ARIH2: variants seen among roughly 807,000 people sequenced by gnomAD.
ARIH2 encodes ariadne RBR E3 ubiquitin protein ligase 2, also known as E3 ubiquitin-protein ligase ARIH2.
ARIH2 carries 12 observed loss-of-function variants against 79.8 expected under a neutral mutation model. The ratio of observed to expected loss-of-function variants is 0.15; its 90% confidence interval spans 0.10 to 0.24. The LOEUF is 0.24. Ranked by LOEUF, ARIH2 falls within the 10% of genes least tolerant of loss-of-function variation. ARIH2 has a pLI of 1.00. For synonymous variants in ARIH2, 224 were observed against 213.9 expected, an observed-to-expected ratio of 1.05 and a Z score of -0.41; for missense variants, 301 against 618.3, an observed-to-expected ratio of 0.49 and a Z score of 5.44.
At position 48,918,865 on chromosome 3, in the gene ARIH2, G is replaced by A. The variant is rs768134987; in HGVS notation, c.-295G>A. On this transcript the variant is annotated 5_prime_UTR_variant, in exon 1 of 16. Transcript: ENST00000356401. ...CCGGAGCTGTGGGGACGACTCTTCT[G>A]GAGGAAGCAGCGCGGGCTTGACCGG... is the stretch of plus-strand genomic sequence containing the variant. 1.9e-5 allele frequency: 31 copies of A among 1,610,282 alleles called. No individual in the cohort carries two copies. The South Asian group carries it at 2.6e-4, about 14-fold the overall frequency.
At chr3:48,979,372 T>C (rs1043263121) in intron 11 of ARIH2, 110 bp from the exon 12 acceptor site, 26 of 1,192,286 alleles carry the variant, frequency 2.2e-5, no homozygotes, top group South Asian at 4.6e-5. Flanking sequence ...TGGGAAGTTG[T>C]GTTCAGGTGA....
At chr3:48,965,180 C>G (rs1191602867) in intron 5 of ARIH2, among the ~76,000 whole-genome samples, 198 bp downstream of exon 5, 1 of 141,738 alleles carries the variant, frequency 7.1e-6, no homozygotes, top group African/African-American at 2.6e-5. Flanking sequence ...CGGTGAAACC[C>G]TGTCTCTACT....
chr3:48,954,487 G>T (rs957733802), intron 3 of ARIH2, among the ~76,000 whole-genome samples: 6 of 152,044 alleles, frequency 3.9e-5, no homozygotes, highest in Non-Finnish European at 5.9e-5. Flanking sequence ...TATTTGCCCA[G>T]GCTGGTCTCA....
At chr3:48,981,823 C>T in intron 14 of ARIH2, 95 bp downstream of exon 14, 1 of 1,017,816 alleles carries the variant, frequency 9.8e-7, no homozygotes, top group South Asian at 1.4e-5. Flanking sequence ...AGACCTTGGT[C>T]ATTGGGAGGG....
chr3:48,948,539 C>T (rs1218901093), intron 3 of ARIH2, among the ~76,000 whole-genome samples: 1 of 151,856 alleles, frequency 6.6e-6, no homozygotes, highest in Non-Finnish European at 1.5e-5. Flanking sequence ...CCGCCCACCT[C>T]GGCCTCCCAG....
Position 48,984,851 on chromosome 3 carries a change from C to A in ARIH2, c.*1581C>A, listed in dbSNP as rs1208985324. On this transcript the variant is annotated 3_prime_UTR_variant, in exon 16 of 16. Coordinates refer to ENST00000356401, the MANE Select transcript of ARIH2 (RefSeq NM_006321.4). The stretch of plus-strand genomic sequence containing the variant: ...TTAAAGACAGAGGATAGCTGTGACT[C>A]ATGGGATCATGAGGTCCATGGCTGG... The A allele has an allele frequency of 6.6e-6, 1 of 152,216 alleles. No homozygotes were observed. The highest frequency in any genetic ancestry group is 1.5e-5 in the Non-Finnish European group (1 of 68,046). The allele number at this position is 152,216 out of a possible 1,614,324, so 9.4% of individuals were successfully genotyped here. A position where few individuals can be genotyped will look rare whatever the true frequency, so the allele number is the denominator to read the frequency against.
intron 2 of ARIH2, chr3:48,925,002 G>A (rs2085356690): frequency 6.7e-6 from 1 of 149,612 alleles, no homozygotes; most frequent in Non-Finnish European, 1.5e-5. Flanking sequence ...CCTAATTTTT[G>A]TATTTTTAGT....
chr3:48,951,325 C>A (rs767036264), intron 3 of ARIH2, among the ~76,000 whole-genome samples: 13 of 151,752 alleles, frequency 8.6e-5, no homozygotes, highest in Admixed American at 1.3e-4. Flanking sequence ...TTTTTTTCCC[C>A]CTGTGGAGTT....
chr3:48,972,646 GA>G (rs199750819), intron 8 of ARIH2, among the ~76,000 whole-genome samples: 2 of 151,820 alleles, frequency 1.3e-5, no homozygotes, highest in Non-Finnish European at 2.9e-5. Context: ...CTCCATTTCA[GA>G]AAAAAAATTG....
chr3:48,955,000 C>T (rs2090414280), intron 3 of ARIH2, among the ~76,000 whole-genome samples: 1 of 152,130 alleles, frequency 6.6e-6, no homozygotes, highest in South Asian at 2.1e-4. Context: ...GAGTTCGAGA[C>T]CAGCCTGGCC....
At chr3:48,973,662 A>G in intron 8 of ARIH2, 37 bp from the exon 9 acceptor site, 2 of 1,507,162 alleles carry the variant, frequency 1.3e-6, no homozygotes, top group South Asian at 2.3e-5. Flanking sequence ...ACCCTGACTT[A>G]ATGAATATTT....
At chr3:48,961,819 C>T in intron 4 of ARIH2, 140 bp downstream of exon 4, 3 of 582,598 alleles carry the variant, frequency 5.1e-6, no homozygotes, top group East Asian at 5.7e-5. Flanking sequence ...TATTTTACAT[C>T]CTCTTCTCTT....
chr3:48,983,081 G>C (rs995803601), intron 15 of ARIH2, 102 bp downstream of exon 15: 1 of 1,498,336 alleles, frequency 6.7e-7, no homozygotes, highest in South Asian at 1.1e-5. Context: ...CTGCTGCTAA[G>C]AATGGGAAGG....
intron 9 of ARIH2, chr3:48,974,596 G>A: frequency 1.7e-6 from 1 of 595,098 alleles, no homozygotes; most frequent in Non-Finnish European, 3.0e-6. Context: ...ACTTAGTGGG[G>A]TTCAGCTGGT....
At chr3:48,948,522 A>G (rs1469800173) in intron 3 of ARIH2, among the ~76,000 whole-genome samples, 1 of 148,864 alleles carries the variant, frequency 6.7e-6, no homozygotes, top group Admixed American at 6.7e-5. Flanking sequence ...TCCCAACCTC[A>G]GGTGATCCGC....
chr3:48,980,204 TGAA>T (rs2092700534), intron 12 of ARIH2, 146 bp from the exon 13 acceptor site: 1 of 765,288 alleles, frequency 1.3e-6, no homozygotes, highest in Non-Finnish European at 2.1e-6. Flanking sequence ...AAGGATGGAC[TGAA>T]GAAGACCTGC....
chr3:48,947,179 G>A (rs547557051), intron 3 of ARIH2, among the ~76,000 whole-genome samples: 15 of 152,182 alleles, frequency 9.9e-5, no homozygotes, highest in South Asian at 2.1e-4. Context: ...AGTGGCTCAC[G>A]CCTGTAATCC....
At chr3:48,920,290 A>AT (rs938170986) in intron 1 of ARIH2, among the ~76,000 whole-genome samples, 3 of 151,458 alleles carry the variant, frequency 2.0e-5, no homozygotes, top group African/African-American at 4.9e-5. Flanking sequence ...CTTTAAAAAA[A>AT]TTTTTTTTGA....
intron 4 of ARIH2, among the ~76,000 whole-genome samples, chr3:48,964,347 G>T (rs1013116826): frequency 5.4e-5 from 8 of 148,266 alleles, no homozygotes; most frequent in Non-Finnish European, 1.2e-4. Context: ...ACAGAATCTC[G>T]CTCTGTCTTG....
Sources: gnomAD v4.1 joint callset for allele counts (sites outside exome capture counted in the v4.1 genomes callset) on GRCh38, gnomAD v4.1.1 for gene constraint, MANE v1.5 for transcripts, NCBI Gene and HGNC (gene_info 2026-07-23, HGNC 2026-07-21) for gene names.